KAT6B: variants seen among roughly 807,000 people sequenced by gnomAD.
KAT6B encodes lysine acetyltransferase 6B.
KAT6B carries 10 observed loss-of-function variants against 187.5 expected under a neutral mutation model. The observed-to-expected ratio is 0.05, with a 90% CI of 0.03 to 0.09. The LOEUF is 0.09. KAT6B is among the 10% of genes least tolerant of loss of function. The pLI is 1.00. For missense variants in KAT6B, 1,952 were observed against 2,558.9 expected (o/e 0.76, Z 5.12); for synonymous variants, 861 against 926.8 (o/e 0.93, Z 1.29).
At chr10:74,929,555 T>G (rs1442169805) in intron 3 of KAT6B, among the ~76,000 whole-genome samples, 1 of 152,178 alleles carries the variant, frequency 6.6e-6, no homozygotes. Context: ...TCTAATTATC[T>G]GTAAAATGGT....
chr10:74,939,820 G>A (rs1033882528), intron 3 of KAT6B, among the ~76,000 whole-genome samples: 2 of 152,184 alleles, frequency 1.3e-5, no homozygotes, highest in African/African-American at 4.8e-5. Flanking sequence ...ACAACCTGTC[G>A]CAATTTAAAA....
upstream of KAT6B, chr10:74,826,523 CTT>C (rs1554910568): frequency 6.5e-6 from 1 of 153,162 alleles, no homozygotes; most frequent in Non-Finnish European, 1.5e-5. Context: ...CCTTAAGTGT[CTT>C]TGGTCTCCTC....
At chr10:75,006,494 A>G (rs567306418) in intron 13 of KAT6B, among the ~76,000 whole-genome samples, 9 of 152,148 alleles carry the variant, frequency 5.9e-5, no homozygotes, top group Non-Finnish European at 1.3e-4. Context: ...TCTATCACCC[A>G]GGCTGTAGTG....
rs1199561761 is a variant in KAT6B, at chr10:74,925,952, G to A, written c.622-34018G>A. On this transcript the variant is annotated intron_variant, in intron 3 of 17. Coordinates refer to ENST00000287239, the MANE Select transcript of KAT6B (RefSeq NM_012330.4). Reference sequence around the variant, plus strand: ...GCGTACAGCCCATGGCAGGGTGGGGGGCAGGGGACCCAGCAAACAAGATAC... The same window carrying A: ...GCGTACAGCCCATGGCAGGGTGGGGAGCAGGGGACCCAGCAAACAAGATAC... Among the ~76,000 whole-genome samples, 3 of 152,086 alleles carry A rather than the reference G, an allele frequency of 2.0e-5. No homozygotes were observed. In the East Asian group the frequency reaches 5.8e-4, roughly 29 times the overall value.
intron 16 of KAT6B, chr10:75,024,109 A>G (rs1845640168): frequency 1.3e-5 from 2 of 152,148 alleles, no homozygotes; most frequent in Admixed American, 6.5e-5. Flanking sequence ...GCAAACAGAA[A>G]AAATATTTTT....
At chr10:74,959,367 T>G (rs866576584) in intron 3 of KAT6B, among the ~76,000 whole-genome samples, 4 of 152,296 alleles carry the variant, frequency 2.6e-5, no homozygotes, top group Middle Eastern at 3.4e-3. Flanking sequence ...ATATAGATAA[T>G]AGAAACAATT....
At chr10:74,957,447 C>G (rs1285119544) in intron 3 of KAT6B, among the ~76,000 whole-genome samples, 1 of 152,200 alleles carries the variant, frequency 6.6e-6, no homozygotes, top group Non-Finnish European at 1.5e-5. Context: ...GGACATCAGT[C>G]TTTCTGGCCA....
intron 3 of KAT6B, among the ~76,000 whole-genome samples, chr10:74,899,578 A>G (rs1270006969): frequency 6.6e-6 from 1 of 152,144 alleles, no homozygotes; most frequent in Non-Finnish European, 1.5e-5. Flanking sequence ...CCCGACCTCT[A>G]AATGAATTTT....
At chr10:75,025,279 C>T in intron 17 of KAT6B, 30 bp downstream of exon 17, 1 of 1,610,364 alleles carries the variant, frequency 6.2e-7, no homozygotes, top group Non-Finnish European at 8.5e-7. Flanking sequence ...AAACCTTACC[C>T]TTGAGAATGT....
intron 3 of KAT6B, among the ~76,000 whole-genome samples, chr10:74,858,486 C>T (rs112082508): frequency 1.9e-3 from 288 of 152,068 alleles, no homozygotes; most frequent in Non-Finnish European, 2.8e-3. Context: ...CCATTTTGCC[C>T]GGGCTGGTCT....
intron 3 of KAT6B, among the ~76,000 whole-genome samples, chr10:74,918,491 C>T (rs1847872371): frequency 1.3e-5 from 2 of 152,194 alleles, no homozygotes; most frequent in South Asian, 4.1e-4. Flanking sequence ...CCTGTAATCA[C>T]AGCACTTTGG....
chr10:74,947,003 A>G (rs941193028), intron 3 of KAT6B, among the ~76,000 whole-genome samples: 18 of 151,894 alleles, frequency 1.2e-4, no homozygotes, highest in Admixed American at 1.2e-3. Context: ...TTTGTTTGTT[A>G]TATTTGGTTT....
At chr10:74,910,616 T>C (rs1847133937) in intron 3 of KAT6B, among the ~76,000 whole-genome samples, 1 of 147,084 alleles carries the variant, frequency 6.8e-6, no homozygotes, top group Non-Finnish European at 1.5e-5. Context: ...CATTTTTTCT[T>C]TTTTTTTTGG....
At chr10:74,904,288 A>G (rs1206830747) in intron 3 of KAT6B, among the ~76,000 whole-genome samples, 1 of 152,190 alleles carries the variant, frequency 6.6e-6, no homozygotes, top group African/African-American at 2.4e-5. Flanking sequence ...TCCCCTGCTC[A>G]AGGACTCACC....
At chr10:74,833,331 A>T (rs1423167783) in intron 1 of KAT6B, among the ~76,000 whole-genome samples, 3 of 152,174 alleles carry the variant, frequency 2.0e-5, no homozygotes, top group Non-Finnish European at 2.9e-5. Flanking sequence ...GTTATAATAC[A>T]TCATTACTAA....
intron 3 of KAT6B, among the ~76,000 whole-genome samples, chr10:74,889,940 G>T (rs2132626042): frequency 6.6e-6 from 1 of 152,324 alleles, no homozygotes; most frequent in African/African-American, 2.4e-5. Context: ...ATGGAGTATA[G>T]CTCATTGCCA....
intron 13 of KAT6B, among the ~76,000 whole-genome samples, chr10:74,997,366 CAT>C (rs1370378842): frequency 6.6e-6 from 1 of 152,028 alleles, no homozygotes; most frequent in Non-Finnish European, 1.5e-5. Flanking sequence ...GAGTGAGTAA[CAT>C]GTGCCAACCC....
At chr10:74,882,879 T>C (rs1844954891) in intron 3 of KAT6B, among the ~76,000 whole-genome samples, 1 of 152,244 alleles carries the variant, frequency 6.6e-6, no homozygotes, top group Admixed American at 6.5e-5. Context: ...TCTTCTGAAT[T>C]TTAAGAAAGC....
At chr10:74,879,228 CT>C (rs1027529990) in intron 3 of KAT6B, among the ~76,000 whole-genome samples, 14 of 152,272 alleles carry the variant, frequency 9.2e-5, no homozygotes, top group African/African-American at 2.6e-4. Flanking sequence ...AGTTCAGGGT[CT>C]TTTCTGGGGT....
Sources: allele counts gnomAD v4.1 joint callset (sites outside exome capture counted in the v4.1 genomes callset), GRCh38; gene constraint gnomAD v4.1.1; transcripts MANE v1.5; gene names NCBI Gene and HGNC (gene_info 2026-07-23, HGNC 2026-07-21).